Variants in PRR23D2 observed in about 807,000 individuals in gnomAD.
PRR23D2 encodes the protein proline rich 23 domain containing 2.
At chr8:7,784,123 C>A (rs1384682219), upstream of PRR23D2, among the ~76,000 whole-genome samples, 3 of 127,604 alleles carry the variant, frequency 2.4e-5, no homozygotes, top group South Asian at 9.2e-4. Flanking sequence ...CACTGTTTAG[C>A]GGTTGACCTG....
Sources: allele counts gnomAD v4.1 joint callset (sites outside exome capture counted in the v4.1 genomes callset), GRCh38; gene constraint gnomAD v4.1.1; transcripts MANE v1.5; gene names NCBI Gene and HGNC (gene_info 2026-07-23, HGNC 2026-07-21).